Variants in APOB observed in about 807,000 individuals in gnomAD.
The protein encoded by APOB is apolipoprotein B.
In APOB, 153 loss-of-function variants were observed where a neutral mutation model predicts 314.1. The observed-to-expected ratio is 0.49, with a 90% confidence interval of 0.43 to 0.56. The LOEUF (loss-of-function observed/expected upper bound fraction) is 0.56. Among genes scored for constraint, APOB ranks in the 20% least tolerant of loss-of-function variants. The probability of loss-of-function intolerance (pLI) is 0.00; values close to 1 mark genes in which losing one functional copy is unlikely to be tolerated. For missense variants in APOB, 5,430 were observed against 5,350.7 expected (o/e 1.01, Z -0.46); for synonymous variants, 2,087 against 2,036.4 (o/e 1.02, Z -0.67).
intron 3 of APOB, among the ~76,000 whole-genome samples, chr2:21,041,338 A>T (rs1664128308): frequency 6.6e-6 from 1 of 152,230 alleles, no homozygotes; most frequent in South Asian, 2.1e-4. Context: ...AGGCATGGGA[A>T]GGAGGATGTC....
chr2:21,033,518 C>G lies in APOB; in HGVS notation c.905G>C (p.Gly302Ala). ...AAATGCGAGGCCCATCTTCTTAGTA[C>G]CTGGAAGATGGAAAGTGTCAAAGGA... ...PKINSRFFGE[G>A]TKKMGLAFES... is the part of the protein sequence containing the mutation. Residue 302 changes from glycine to alanine, a missense_variant and splice_region_variant, in exon 9 of 29, where the codon GGT (glycine) becomes GCT (alanine). Gly to Ala is a moderately conservative substitution (Grantham distance 60). Around this residue, in one of 3 missense-constraint regions of APOB, gnomAD observed 2,085 missense variants for 2,079.7 expected, o/e 1.00. Coordinates refer to ENST00000233242, the MANE Select transcript of APOB (RefSeq NM_000384.3). The G allele has an allele frequency of 2.5e-6, 4 of 1,612,978 alleles. No homozygotes were observed. Among genetic ancestry groups the G allele is most frequent in the Non-Finnish European group, 3.4e-6 (4 of 1,179,020 alleles).
At chr2:21,040,789 T>G in intron 4 of APOB, 149 bp downstream of exon 4, 1 of 836,598 alleles carries the variant, frequency 1.2e-6, no homozygotes, top group South Asian at 1.7e-5. Flanking sequence ...TCTCTCTTTT[T>G]GATGATTGTG....
At chr2:21,004,166 A>G (rs1663065107) in intron 28 of APOB, 103 bp downstream of exon 28, 3 of 1,267,812 alleles carry the variant, frequency 2.4e-6, no homozygotes, top group African/African-American at 1.5e-5. Context: ...CCTGTCTTTC[A>G]CCTAGTTTGG....
rs1236376117 is a variant in APOB at position 21,006,378 on chromosome 2, T to G, written c.10490A>C (p.Lys3497Thr). The change falls in exon 26 of 29, where the codon AAA (lysine) becomes ACA (threonine). Residue 3497 changes from lysine to threonine, a missense_variant. Transcript: ENST00000233242. ...AAGAACCGAACCCTTGACATCTCCT[T>G]TGGTAGATGACTCAATGGAAAAGTA... Reference protein sequence around the residue: ...TSYFSIESSTKGDVKGSVLSR... With the variant: ...TSYFSIESSTTGDVKGSVLSR... 2 of 1,614,016 alleles carry G rather than the reference T, an allele frequency of 1.2e-6. No individual in the cohort carries two copies. Among genetic ancestry groups the G allele is most frequent in the South Asian group, 2.2e-5 (2 of 91,076 alleles).
At position 21,032,490 on chromosome 2, in the gene APOB, G is replaced by T; in HGVS notation, c.1216C>A (p.Leu406Ile). 1 of 1,614,216 alleles carries T rather than the reference G, an allele frequency of 6.2e-7. No homozygotes were observed. Among genetic ancestry groups the T allele is most frequent in the Non-Finnish European group, 8.5e-7 (1 of 1,180,028 alleles). The change falls in exon 10 of 29, where the codon CTT (leucine) becomes ATT (isoleucine). Residue 406 changes from leucine (L) to isoleucine (I), a missense_variant. This residue lies in a region of APOB where 2,085 missense variants were observed against 2,079.7 expected (regional missense o/e 1.00). Transcript: ENST00000233242. Reference protein sequence around the residue: ...QWLKRVHANPLLIDVVTYLVA... With the variant: ...QWLKRVHANPILIDVVTYLVA... ...AGGTAGGTGACCACATCTATCAGAAGGGGGTTGGCATGCACACGTTTCAGC... is the reference window on the plus strand; with the variant it reads ...AGGTAGGTGACCACATCTATCAGAATGGGGTTGGCATGCACACGTTTCAGC...
chr2:21,035,762 A>G, intron 6 of APOB, 54 bp from the exon 7 acceptor site: 1 of 1,595,680 alleles, frequency 6.3e-7, no homozygotes, highest in East Asian at 2.2e-5. Flanking sequence ...TCTTCTGTTA[A>G]AAGCATTTAC....
intron 20 of APOB, among the ~76,000 whole-genome samples, chr2:21,016,905 A>G (rs1572789110): frequency 6.6e-6 from 1 of 151,490 alleles, no homozygotes; most frequent in Non-Finnish European, 1.5e-5. Flanking sequence ...AATGGCATGA[A>G]CCCGGGAGGC....
rs201990496 is a variant in APOB at position 21,005,124 on chromosome 2, G to A, written c.11744C>T (p.Ser3915Phe). The change falls in exon 26 of 29, where the codon TCC becomes TTC. Residue 3915 changes from serine to phenylalanine, a missense_variant. By Grantham distance (155) the Ser-to-Phe change is radical. Around this residue, in one of 3 missense-constraint regions of APOB, gnomAD observed 3,281 missense variants for 3,171.0 expected, o/e 1.03. Coordinates refer to ENST00000233242, the MANE Select transcript of APOB (RefSeq NM_000384.3). ...KADYVETVLD[S>F]TCSSTVQFLE... is the part of the protein sequence containing the mutation. ...GAACTGTACGGTTGAGCTGCATGTG[G>A]AATCCAGGACTGTTTCAACATAATC... The A allele has an allele frequency of 1.2e-5, 19 of 1,613,984 alleles. No homozygotes were observed. The African/African-American group carries it at 2.3e-4, about 19-fold the overall frequency.
At position 21,032,211 on chromosome 2, in the gene APOB, C is replaced by A. The variant is rs574613582; in HGVS notation, c.1352+143G>T. The A allele has an allele frequency of 7.6e-5, 55 of 723,880 alleles. 1 individual carries two copies. The South Asian group carries it at 8.9e-4, about 12-fold the overall frequency. 44.8% of individuals were successfully genotyped at this position (723,880 alleles called of 1,614,324 possible). A position where few individuals can be genotyped will look rare whatever the true frequency, so the allele number is the denominator to read the frequency against. On this transcript the variant is annotated intron_variant, in intron 10 of 28. Coordinates refer to ENST00000233242, the MANE Select transcript of APOB (RefSeq NM_000384.3). Reference sequence around the variant, plus strand: ...GCTGATTTCTTATTTCAAGTCATTACCCCAAAAATGATCAAGAAAAAACAC... The same window carrying A: ...GCTGATTTCTTATTTCAAGTCATTAACCCAAAAATGATCAAGAAAAAACAC...
At position 21,024,922 on chromosome 2, in the gene APOB, T is replaced by C. The variant is rs751046077; in HGVS notation, c.2436+11A>G. The C allele has an allele frequency of 3.7e-6, 6 of 1,613,800 alleles. No homozygotes were observed. The highest frequency in any genetic ancestry group is 4.2e-6 in the Non-Finnish European group (5 of 1,179,902). Reference sequence around the variant, plus strand: ...GGTCTCATGGGCCCCCAGTGGGGCCTGCTGACTTACCATCTGGGGGATCCC... The same window carrying C: ...GGTCTCATGGGCCCCCAGTGGGGCCCGCTGACTTACCATCTGGGGGATCCC... On this transcript the variant is annotated intron_variant, in intron 16 of 28. Transcript: ENST00000233242.
intron 14 of APOB, among the ~76,000 whole-genome samples, 192 bp downstream of exon 14, chr2:21,027,636 G>A (rs1195105412): frequency 6.6e-6 from 1 of 152,154 alleles, no homozygotes; most frequent in South Asian, 2.1e-4. Context: ...ATGTTAAGAA[G>A]TCATGCTTCA....
intron 24 of APOB, 70 bp downstream of exon 24, chr2:21,014,378 A>T (rs1450164246): frequency 2.5e-6 from 4 of 1,570,634 alleles, no homozygotes; most frequent in Non-Finnish European, 2.6e-6. Flanking sequence ...AAAAATGTCT[A>T]AATCATGCTA....
rs950099157 is a variant in APOB at position 21,011,152 on chromosome 2, T to G, written c.5716A>C (p.Thr1906Pro). 6.2e-7 allele frequency: 1 copy of G among 1,614,070 alleles called. No homozygotes were observed. The highest frequency in any genetic ancestry group is 8.5e-7 in the Non-Finnish European group (1 of 1,180,030). ...TTGCCATTTGTATGTGCATCGATGG[T>G]CATGGTAAACGGGGCCATTACAGAA... ...FRSVMAPFTM[T>P]IDAHTNGNGK... The change falls in exon 26 of 29, where the codon ACC becomes CCC. Residue 1906 changes from threonine (T) to proline (P), a missense_variant. Coordinates refer to ENST00000233242, the MANE Select transcript of APOB (RefSeq NM_000384.3).
In APOB at chr2:21,003,223, G is replaced by T. The variant is rs1311058149; in HGVS notation, c.12199C>A (p.Leu4067Ile). ...GGCACGTTGTCTTTCAGAGAGGTTA[G>T]CAAGCCAGAAGCTGCCTCTTCTTCC... ...NWEEEAASGL[L>I]TSLKDNVPKA... The change falls in exon 29 of 29, where the codon CTA becomes ATA. Residue 4067 changes from leucine (L) to isoleucine (I), a missense_variant. Physicochemically the swap from Leu to Ile is conservative, Grantham distance 5. Around this residue, in one of 3 missense-constraint regions of APOB, gnomAD observed 3,281 missense variants for 3,171.0 expected, o/e 1.03. Transcript: ENST00000233242. The T allele has an allele frequency of 6.2e-7, 1 of 1,614,038 alleles. No homozygotes were observed. Among genetic ancestry groups the T allele is most frequent in the Non-Finnish European group, 8.5e-7 (1 of 1,179,966 alleles).
At chr2:21,039,906 A>C (rs1477557093) in intron 4 of APOB, among the ~76,000 whole-genome samples, 1 of 152,196 alleles carries the variant, frequency 6.6e-6, no homozygotes, top group Non-Finnish European at 1.5e-5. Flanking sequence ...CTGGCATCTG[A>C]ATCTAATGTT....
In APOB at chr2:21,007,856, A is replaced by C. The variant is rs762048706; in HGVS notation, c.9012T>G (p.Ala3004=). The part of the protein sequence containing the change: ...SQHVGHSVLT[A]KGMALFGEGK... ...CTTCTCCAAACAGTGCCATGCCTTT[A>C]GCAGTTAGAACACTGTGGCCCACAT... The change falls in exon 26 of 29, where the codon GCT becomes GCG. Residue 3004 remains alanine, a synonymous_variant. Transcript: ENST00000233242. 6.2e-7 allele frequency: 1 copy of C among 1,614,086 alleles called. No homozygotes were observed. The highest frequency in any genetic ancestry group is 1.1e-5 in the South Asian group (1 of 91,080).
intron 20 of APOB, 60 bp from the exon 21 acceptor site, chr2:21,016,709 G>A: frequency 8.6e-7 from 1 of 1,157,840 alleles, no homozygotes; most frequent in Non-Finnish European, 1.3e-6. Context: ...TTTGGGCCGG[G>A]TGCGGTGGCT....
At position 21,010,553 on chromosome 2, in the gene APOB, A is replaced by T. The variant is rs769837347; in HGVS notation, c.6315T>A (p.Asp2105Glu). 2.5e-6 allele frequency: 4 copies of T among 1,611,036 alleles called. No homozygotes were observed. The highest frequency in any genetic ancestry group is 1.7e-4 in the Middle Eastern group (1 of 6,054). Reference sequence around the variant, plus strand: ...CTGCTCTGTATTTTCTTACAAATTGATCAATATTGATGTGCTTCAGGTTTC... The same window carrying T: ...CTGCTCTGTATTTTCTTACAAATTGTTCAATATTGATGTGCTTCAGGTTTC... ...VQRNLKHINIDQFVRKYRAAL... is the reference protein window; with the variant it reads ...VQRNLKHINIEQFVRKYRAAL... Residue 2105 changes from aspartate (D) to glutamate (E), a missense_variant, in exon 26 of 29, where the codon GAT becomes GAA. Transcript: ENST00000233242.
In APOB at chr2:21,022,332, A is replaced by G. The variant is rs149677861; in HGVS notation, c.2816+499T>C. Among the ~76,000 whole-genome samples the G allele has an allele frequency of 4.4e-3, 674 of 152,302 alleles. 3 individuals carry two copies. Among genetic ancestry groups the G allele is most frequent in the African/African-American group, 0.015 (638 of 41,558 alleles). On this transcript the variant is annotated intron_variant, in intron 18 of 28. Transcript: ENST00000233242. ...AAAATATGAAAACTAAGGCAAATCA[A>G]TGGTTGAGGGTGCCACTTAAAATGG...
Sources: gnomAD v4.1 joint callset for allele counts (sites outside exome capture counted in the v4.1 genomes callset) on GRCh38, gnomAD v4.1.1 for gene constraint, gnomAD v4.1.1 regional missense constraint, MANE v1.5 for transcripts, NCBI Gene and HGNC (gene_info 2026-07-23, HGNC 2026-07-21) for gene names.